The following PROX1 variants were observed in gnomAD, a reference collection of about 807,000 sequenced individuals.
The protein encoded by PROX1 is prospero homeobox protein 1.
PROX1 carries 7 observed loss-of-function variants against 58.8 expected under a neutral mutation model. The observed-to-expected ratio is 0.12, with a 90% CI of 0.07 to 0.22. PROX1 has a LOEUF of 0.22. Ranked by LOEUF, PROX1 falls within the 10% of genes least tolerant of loss-of-function variation. PROX1 has a pLI of 1.00. For missense variants in PROX1, 675 were observed against 927.8 expected (o/e 0.73, Z 3.54); for synonymous variants, 350 against 358.3 (o/e 0.98, Z 0.26).
intron 4 of PROX1, among the ~76,000 whole-genome samples, chr1:214,025,881 A>C (rs1664437798): frequency 6.6e-6 from 1 of 151,788 alleles, no homozygotes; most frequent in Non-Finnish European, 1.5e-5. Flanking sequence ...CCAGGTTGGT[A>C]TTGAACTCCT....
At chr1:214,023,388 G>GCACTGT (rs374299903) in intron 4 of PROX1, among the ~76,000 whole-genome samples, 54 of 151,114 alleles carry the variant, frequency 3.6e-4, no homozygotes, top group African/African-American at 1.2e-3. Flanking sequence ...ACAGAGTGTT[G>GCACTGT]CACTGTTGCC....
chr1:214,020,811 G>A (rs1182855901), intron 4 of PROX1, among the ~76,000 whole-genome samples: 1 of 152,210 alleles, frequency 6.6e-6, no homozygotes, highest in Non-Finnish European at 1.5e-5. Context: ...TGTAGTTAAA[G>A]GAGTTAAGTG....
At chr1:213,992,809 C>A (rs1432951696) in intron 1 of PROX1, among the ~76,000 whole-genome samples, 1 of 152,138 alleles carries the variant, frequency 6.6e-6, no homozygotes, top group South Asian at 2.1e-4. Flanking sequence ...AAGTTGAATC[C>A]TCCTCCCCGA....
intron 4 of PROX1, among the ~76,000 whole-genome samples, chr1:214,025,818 C>A (rs535548947): frequency 6.6e-6 from 1 of 152,168 alleles, no homozygotes; most frequent in African/African-American, 2.4e-5. Flanking sequence ...CCAGCCACCA[C>A]GCCCGGCTAA....
intron 1 of PROX1, among the ~76,000 whole-genome samples, chr1:213,993,864 G>T (rs1663126763): frequency 1.3e-5 from 2 of 152,072 alleles, no homozygotes; most frequent in African/African-American, 4.8e-5. Flanking sequence ...AATTCTTTTA[G>T]CCCAAGACAG....
Position 214,040,618 on chromosome 1 carries a change from T to C in PROX1, c.*4784T>C, listed in dbSNP as rs143625407. 8 of 152,326 alleles carry C rather than the reference T, an allele frequency of 5.3e-5. No homozygotes were observed. In the East Asian group the frequency reaches 1.5e-3, roughly 29 times the overall value. 9.4% of individuals were successfully genotyped at this position (152,326 alleles called of 1,614,324 possible). Reference sequence around the variant, plus strand: ...CCAGCCATTTCTCATATGTATATAGTATAAACCGTGACAAAACACTGCCTT... The same window carrying C: ...CCAGCCATTTCTCATATGTATATAGCATAAACCGTGACAAAACACTGCCTT... On this transcript the variant is annotated 3_prime_UTR_variant, in exon 5 of 5. Transcript: ENST00000366958.
chr1:214,025,551 G>T (rs1664421290), intron 4 of PROX1, among the ~76,000 whole-genome samples: 1 of 151,978 alleles, frequency 6.6e-6, no homozygotes, highest in Admixed American at 6.6e-5. Flanking sequence ...TTTATTACCT[G>T]GCCCTTTACT....
chr1:214,013,930 G>A (rs1395879788), intron 4 of PROX1, among the ~76,000 whole-genome samples: 1 of 152,130 alleles, frequency 6.6e-6, no homozygotes, highest in Non-Finnish European at 1.5e-5. Flanking sequence ...AAGAAAGCAG[G>A]ACCATGCAGT....
rs1030864512 is a variant in PROX1, at chr1:214,041,315, A to G, written c.*5481A>G. 1 of 152,154 alleles carries G rather than the reference A, an allele frequency of 6.6e-6. No homozygotes were observed. Among genetic ancestry groups the G allele is most frequent in the Non-Finnish European group, 1.5e-5 (1 of 68,004 alleles). The allele number at this position is 152,154 out of a possible 1,614,324, so 9.4% of individuals were successfully genotyped here. A position where few individuals can be genotyped will look rare whatever the true frequency, so the allele number is the denominator to read the frequency against. ...AATTTTTGGACCTGTATCCAATTGT[A>G]GGACAGTAGGCTAGTTGTGCCAGTA... is the stretch of plus-strand genomic sequence containing the variant. On this transcript the variant is annotated 3_prime_UTR_variant, in exon 5 of 5. Coordinates refer to ENST00000366958, the MANE Select transcript of PROX1 (RefSeq NM_001270616.2).
intron 4 of PROX1, among the ~76,000 whole-genome samples, chr1:214,025,451 C>G (rs376309287): frequency 1.3e-5 from 2 of 152,192 alleles, no homozygotes; most frequent in East Asian, 1.9e-4. Flanking sequence ...TTTATGGCTT[C>G]AAGCTAAGAA....
chr1:214,031,505 C>T (rs1260427645), intron 4 of PROX1, among the ~76,000 whole-genome samples: 6 of 152,148 alleles, frequency 3.9e-5, no homozygotes, highest in South Asian at 2.1e-4. Flanking sequence ...CCTCCCCAGC[C>T]GCCTGCATTG....
chr1:214,016,601 G>A (rs2102743004), intron 4 of PROX1, among the ~76,000 whole-genome samples: 1 of 152,276 alleles, frequency 6.6e-6, no homozygotes, highest in South Asian at 2.1e-4. Context: ...CCGTTGACAA[G>A]CCAAATTGAT....
chr1:214,003,482 C>T (rs1171939962), intron 2 of PROX1, among the ~76,000 whole-genome samples: 1 of 152,186 alleles, frequency 6.6e-6, no homozygotes, highest in Non-Finnish European at 1.5e-5. Context: ...GAGGGCCTTT[C>T]AGCCCTCTCC....
rs746512584 is a variant in PROX1 at position 214,005,236 on chromosome 1, C to T, written c.1797C>T (p.Ser599=). 25 of 1,613,820 alleles carry T rather than the reference C, an allele frequency of 1.5e-5. No individual in the cohort carries two copies. The South Asian group carries it at 2.2e-4, about 14-fold the overall frequency. ...KLMFFYTRYP[S]SNMLKTYFSD... The stretch of plus-strand genomic sequence containing the variant: ...TGTTTTTTTATACCCGTTATCCCAG[C>T]TCCAATATGCTGAAGACCTACTTCT... The change falls in exon 3 of 5, where the codon AGC becomes AGT. Residue 599 remains serine (S), a synonymous_variant. Transcript: ENST00000366958.
intron 4 of PROX1, among the ~76,000 whole-genome samples, chr1:214,012,921 T>C (rs760941389): frequency 2.6e-5 from 4 of 152,184 alleles, no homozygotes; most frequent in Non-Finnish European, 5.9e-5. Flanking sequence ...CTCTTCCTGC[T>C]TGCCCCCCTC....
intron 4 of PROX1, among the ~76,000 whole-genome samples, chr1:214,013,988 C>T (rs766341013): frequency 6.6e-6 from 1 of 152,154 alleles, no homozygotes; most frequent in African/African-American, 2.4e-5. Flanking sequence ...TATGCACACA[C>T]GCGTACCGAC....
chr1:213,994,138 T>C (rs1663140164), intron 1 of PROX1, among the ~76,000 whole-genome samples: 1 of 150,206 alleles, frequency 6.7e-6, no homozygotes, highest in Non-Finnish European at 1.5e-5. Flanking sequence ...GGGATGACCT[T>C]GTGCTCATCA....
At chr1:214,028,337 C>G (rs1320615009) in intron 4 of PROX1, among the ~76,000 whole-genome samples, 1 of 152,162 alleles carries the variant, frequency 6.6e-6, no homozygotes. Context: ...GTGTTCAATA[C>G]ACAAAACCTA....
rs1215682035 is a variant in PROX1, at chr1:213,997,429, G to C, written c.894G>C (p.Glu298Asp). 5.0e-6 allele frequency: 8 copies of C among 1,613,982 alleles called. No individual in the cohort carries two copies. ...ACTCTGTCGGAAGGTCAGATAATGA[G>C]ATGTGCGAGCTAGACCCAGGACAGT... ...AQDSVGRSDN[E>D]MCELDPGQFI... Residue 298 changes from glutamate (E) to aspartate (D), a missense_variant, in exon 2 of 5, where the codon GAG (glutamate) becomes GAC (aspartate). By Grantham distance (45) the Glu-to-Asp change is conservative. Coordinates refer to ENST00000366958, the MANE Select transcript of PROX1 (RefSeq NM_001270616.2). The surrounding 1 kb of genome is among the most constrained non-coding windows in gnomAD (Gnocchi z 7.1).
Sources: allele counts gnomAD v4.1 joint callset (sites outside exome capture counted in the v4.1 genomes callset), GRCh38; gene constraint gnomAD v4.1.1; non-coding constraint Gnocchi (gnomAD v3.1); transcripts MANE v1.5; gene names NCBI Gene and HGNC (gene_info 2026-07-23, HGNC 2026-07-21).